H2AZ2: variants seen among roughly 807,000 people sequenced by gnomAD.
H2AZ2 encodes the protein H2A.Z variant histone 2.
A neutral mutation model predicts 15.5 loss-of-function variants in H2AZ2; 5 were observed. The ratio of observed to expected loss-of-function variants is 0.32; its 90% CI spans 0.17 to 0.68. The LOEUF is 0.68. H2AZ2 is among the 30% of genes least tolerant of loss of function. The pLI, the probability that H2AZ2 is intolerant of heterozygous loss-of-function variation, is 0.72. For missense variants in H2AZ2, 42 were observed against 162.5 expected (o/e 0.26, Z 4.03); for synonymous variants, 44 against 57.4 (o/e 0.77, Z 1.05).
intron 1 of H2AZ2, among the ~76,000 whole-genome samples, chr7:44,843,940 A>C (rs1019494060): frequency 4.6e-5 from 7 of 152,204 alleles, no homozygotes; most frequent in Admixed American, 2.6e-4. Context: ...ACTTTTATGC[A>C]TACATGAAAT....
At chr7:44,839,817 A>C (rs1472817065) in intron 3 of H2AZ2, among the ~76,000 whole-genome samples, 1 of 151,300 alleles carries the variant, frequency 6.6e-6, no homozygotes, top group Non-Finnish European at 1.5e-5. Flanking sequence ...GACCTGGCCA[A>C]CATGGTGAAA....
At chr7:44,846,542 C>T (rs1233088992) in intron 1 of H2AZ2, among the ~76,000 whole-genome samples, 1 of 149,676 alleles carries the variant, frequency 6.7e-6, no homozygotes, top group African/African-American at 2.5e-5. Context: ...ACCCGGGAGG[C>T]GGAGGTTGCA....
rs563758484 is a variant in H2AZ2, at chr7:44,846,633, C to T, written c.3+1336G>A. On this transcript the variant is annotated intron_variant, in intron 1 of 4. Transcript: ENST00000308153. Reference sequence around the variant, plus strand: ...CAAAAAAAAAAACCACAAAAAACCACAAAAAACAAACAACAAAAAACCAAA... The same window carrying T: ...CAAAAAAAAAAACCACAAAAAACCATAAAAAACAAACAACAAAAAACCAAA... Among the ~76,000 whole-genome samples the T allele has an allele frequency of 6.2e-5, 7 of 113,662 alleles. No individual in the cohort carries two copies. The South Asian group carries it at 1.1e-3, about 18-fold the overall frequency. 74.6% of individuals were successfully genotyped at this position (113,662 alleles called of 152,430 possible). A position where few individuals can be genotyped will look rare whatever the true frequency, so the allele number is the denominator to read the frequency against.
Position 44,834,246 on chromosome 7 carries a change from G to A in H2AZ2, c.*255C>T. 8.1e-7 allele frequency: 1 copy of A among 1,228,914 alleles called. No individual in the cohort carries two copies. Among genetic ancestry groups the A allele is most frequent in the South Asian group, 3.4e-5 (1 of 29,310 alleles). The allele number at this position is 1,228,914 out of a possible 1,614,324, so 76.1% of individuals were successfully genotyped here. A position where few individuals can be genotyped will look rare whatever the true frequency, so the allele number is the denominator to read the frequency against. ...AGACAAATTAATTTTGTAAAAAATG[G>A]TTTATCAATTCCATTTTTGTATAAA... On this transcript the variant is annotated 3_prime_UTR_variant, in exon 5 of 5. Coordinates refer to ENST00000308153, the MANE Select transcript of H2AZ2 (RefSeq NM_012412.5).
At chr7:44,840,790 G>T in intron 3 of H2AZ2, 109 bp downstream of exon 3, 1 of 670,286 alleles carries the variant, frequency 1.5e-6, no homozygotes. Context: ...AAACAAAAAA[G>T]CCCCAGTGAG....
intron 1 of H2AZ2, among the ~76,000 whole-genome samples, chr7:44,846,062 C>CAGAGAGAGAGAG (rs1554336348): frequency 1.5e-4 from 11 of 75,038 alleles, no homozygotes; most frequent in Admixed American, 2.8e-4. Flanking sequence ...CACACACACA[C>CAGAGAGAGAGAG]AGAGAGAGAC....
downstream of H2AZ2, chr7:44,830,315 TG>T (rs1792982508): frequency 1.4e-6 from 1 of 723,262 alleles, no homozygotes; most frequent in Admixed American, 3.3e-5. Flanking sequence ...GGATAACTAC[TG>T]GAACTTTTTT....
chr7:44,841,736 T>G (rs1793280491), intron 2 of H2AZ2, among the ~76,000 whole-genome samples: 1 of 152,188 alleles, frequency 6.6e-6, no homozygotes, highest in African/African-American at 2.4e-5. Context: ...CCCAAAGTGC[T>G]GGGATTACAG....
chr7:44,834,340 T>C lies in H2AZ2; in HGVS notation c.*161A>G. The C allele has an allele frequency of 7.5e-7, 1 of 1,334,718 alleles. No individual in the cohort carries two copies. Among genetic ancestry groups the C allele is most frequent in the Non-Finnish European group, 9.7e-7 (1 of 1,034,970 alleles). 82.7% of individuals were successfully genotyped at this position (1,334,718 alleles called of 1,614,324 possible). A position where few individuals can be genotyped will look rare whatever the true frequency, so the allele number is the denominator to read the frequency against. ...CATGAAAAGGTACTTTTATCAAACT[T>C]CGAGTCTAAGAACATACAAATGTTT... On this transcript the variant is annotated 3_prime_UTR_variant, in exon 5 of 5. Coordinates refer to ENST00000308153, the MANE Select transcript of H2AZ2 (RefSeq NM_012412.5).
intron 3 of H2AZ2, among the ~76,000 whole-genome samples, chr7:44,840,258 T>G (rs1793241797): frequency 6.6e-6 from 1 of 152,080 alleles, no homozygotes; most frequent in South Asian, 2.1e-4. Context: ...TTAAAAATTT[T>G]TTTACTTTGA....
chr7:44,841,664 C>T (rs898974316), intron 2 of H2AZ2, among the ~76,000 whole-genome samples: 1 of 152,132 alleles, frequency 6.6e-6, no homozygotes, highest in African/African-American at 2.4e-5. Flanking sequence ...CGCGCCAGGA[C>T]GCCTGGCTGT....
intron 2 of H2AZ2, among the ~76,000 whole-genome samples, chr7:44,841,753 G>T (rs956474927): frequency 6.6e-6 from 1 of 152,176 alleles, no homozygotes; most frequent in East Asian, 1.9e-4. Context: ...ACAGGCATGA[G>T]CCACTGTGCC....
intron 1 of H2AZ2, 63 bp downstream of exon 1, chr7:44,847,906 G>A: frequency 6.5e-7 from 1 of 1,530,370 alleles, no homozygotes; most frequent in South Asian, 1.2e-5. Context: ...CGGCGCCGAC[G>A]CCAGGGCCTC....
At chr7:44,830,191 GAATA>G (rs753395485), downstream of H2AZ2, 4 of 1,609,886 alleles carry the variant, frequency 2.5e-6, no homozygotes, top group African/African-American at 5.3e-5. Context: ...GACAAATAGA[GAATA>G]AAAACAGCAG....
In H2AZ2 at chr7:44,833,393, C is replaced by G. The variant is rs184464793; in HGVS notation, c.*1108G>C. 2.0e-4 allele frequency among the ~76,000 whole-genome samples: 30 copies of G among 152,014 alleles called. No individual in the cohort carries two copies. Among genetic ancestry groups the G allele is most frequent in the African/African-American group, 7.0e-4 (29 of 41,338 alleles). On this transcript the variant is annotated 3_prime_UTR_variant, in exon 5 of 5. Coordinates refer to ENST00000308153, the MANE Select transcript of H2AZ2 (RefSeq NM_012412.5). ...GACTACAGGCGCGTGCCACCACACC[C>G]GGCTAATTTTTTGTATTTTTTTAAA...
intron 3 of H2AZ2, among the ~76,000 whole-genome samples, chr7:44,838,867 A>C (rs1793196934): frequency 6.6e-6 from 1 of 152,214 alleles, no homozygotes; most frequent in Non-Finnish European, 1.5e-5. Context: ...CATCTCCCCA[A>C]GTAAGACCCT....
intron 1 of H2AZ2, among the ~76,000 whole-genome samples, chr7:44,846,110 T>C (rs1793400146): frequency 6.6e-6 from 1 of 151,236 alleles, no homozygotes; most frequent in Admixed American, 6.6e-5. Flanking sequence ...AGTTCGTTCA[T>C]TTTACTTGGA....
intron 3 of H2AZ2, among the ~76,000 whole-genome samples, chr7:44,838,901 G>A (rs539235054): frequency 3.3e-5 from 5 of 152,192 alleles, no homozygotes; most frequent in African/African-American, 7.2e-5. Context: ...GAATGAATGC[G>A]TCTACACTTG....
At chr7:44,842,096 GCTT>G (rs1793288514) in intron 2 of H2AZ2, among the ~76,000 whole-genome samples, 1 of 152,084 alleles carries the variant, frequency 6.6e-6, no homozygotes, top group Non-Finnish European at 1.5e-5. Context: ...GTGACCAAAA[GCTT>G]CTTAAGGGCA....
Sources: allele counts gnomAD v4.1 joint callset (sites outside exome capture counted in the v4.1 genomes callset), GRCh38; gene constraint gnomAD v4.1.1; transcripts MANE v1.5; gene names NCBI Gene and HGNC (gene_info 2026-07-23, HGNC 2026-07-21).